Variants in CCNY observed in about 807,000 individuals in gnomAD.
CCNY encodes cyclin-Y.
A neutral mutation model predicts 42.8 loss-of-function variants in CCNY; 19 were observed. That is an observed-to-expected ratio of 0.44 (90% confidence interval 0.31 to 0.65). CCNY has a LOEUF of 0.65. Ranked by LOEUF, CCNY falls within the 30% of genes least tolerant of loss-of-function variation. The probability of loss-of-function intolerance (pLI) is 0.07; values close to 1 mark genes in which losing one functional copy is unlikely to be tolerated. For synonymous variants in CCNY, 165 were observed against 162.7 expected (o/e 1.01, Z -0.11); for missense variants, 370 against 437.3 (o/e 0.85, Z 1.37).
At chr10:35,441,460 CT>C (rs773300729) in intron 1 of CCNY, among the ~76,000 whole-genome samples, 2 of 152,160 alleles carry the variant, frequency 1.3e-5, no homozygotes, top group East Asian at 3.8e-4. Context: ...AGCAATTGGG[CT>C]TTTCAATGGA....
At chr10:35,523,915 T>C (rs1840598087) in intron 4 of CCNY, among the ~76,000 whole-genome samples, 1 of 152,200 alleles carries the variant, frequency 6.6e-6, no homozygotes, top group Admixed American at 6.5e-5. Context: ...TCTAGTGATA[T>C]TTCTACTGCT....
intron 3 of CCNY, among the ~76,000 whole-genome samples, chr10:35,509,356 A>G (rs1589167600): frequency 6.6e-6 from 1 of 151,988 alleles, no homozygotes; most frequent in African/African-American, 2.4e-5. Flanking sequence ...GCTCACTGCA[A>G]CCTCTGCCTT....
chr10:35,548,802 G>A (rs777919463), intron 7 of CCNY, among the ~76,000 whole-genome samples: 95 of 152,144 alleles, frequency 6.2e-4, no homozygotes, highest in Non-Finnish European at 8.5e-4. Flanking sequence ...AAAAATCTGC[G>A]TATTAGTGGA....
At chr10:35,517,264 C>T (rs866526906) in intron 4 of CCNY, among the ~76,000 whole-genome samples, 10 of 152,088 alleles carry the variant, frequency 6.6e-5, no homozygotes, top group African/African-American at 1.9e-4. Flanking sequence ...CTTCAGTTTC[C>T]GTACTTTAAA....
intron 1 of CCNY, among the ~76,000 whole-genome samples, chr10:35,372,526 T>C (rs2135177009): frequency 6.6e-6 from 1 of 152,286 alleles, no homozygotes; most frequent in East Asian, 1.9e-4. Context: ...TCAGACTCTC[T>C]ATTCCACTTG....
chr10:35,249,023 C>T (rs1482035218), intron 2 of CCNY, among the ~76,000 whole-genome samples: 1 of 152,198 alleles, frequency 6.6e-6, no homozygotes, highest in Non-Finnish European at 1.5e-5. Flanking sequence ...TCTAGGCTCA[C>T]TGCAACCTCC....
chr10:35,251,654 T>C (rs2095712141), intron 3 of CCNY, among the ~76,000 whole-genome samples: 1 of 150,662 alleles, frequency 6.6e-6, no homozygotes. Context: ...AGTGGTACAA[T>C]CACAGCTCAC....
intron 1 of CCNY, among the ~76,000 whole-genome samples, chr10:35,354,279 G>T (rs769374269): frequency 2.7e-5 from 4 of 149,898 alleles, no homozygotes; most frequent in Non-Finnish European, 5.9e-5. Context: ...TCTGTCTCCT[G>T]GGTTCAAGAG....
At chr10:35,307,654 A>G (rs1442431826) in intron 3 of CCNY, among the ~76,000 whole-genome samples, 1 of 151,400 alleles carries the variant, frequency 6.6e-6, no homozygotes, top group Non-Finnish European at 1.5e-5. Context: ...CAACCCCGAA[A>G]TAAGGTTATA....
intron 1 of CCNY, among the ~76,000 whole-genome samples, chr10:35,392,957 C>T (rs1041098142): frequency 2.0e-5 from 3 of 152,108 alleles, no homozygotes; most frequent in Non-Finnish European, 4.4e-5. Context: ...TTAGCTACAA[C>T]CTCCCACCCT....
chr10:35,544,397 C>T (rs1841069444), intron 7 of CCNY, among the ~76,000 whole-genome samples: 1 of 152,180 alleles, frequency 6.6e-6, no homozygotes, highest in African/African-American at 2.4e-5. Flanking sequence ...ATGTGCTATA[C>T]AGGTTTGCAG....
chr10:35,523,858 TAAG>T (rs1365190435), intron 4 of CCNY, among the ~76,000 whole-genome samples: 1 of 152,208 alleles, frequency 6.6e-6, no homozygotes, highest in Non-Finnish European at 1.5e-5. Context: ...TTAGCACTAA[TAAG>T]GAGGAAGGAG....
intron 1 of CCNY, among the ~76,000 whole-genome samples, chr10:35,471,366 AGTT>A (rs1839388756): frequency 1.3e-5 from 2 of 152,058 alleles, no homozygotes; most frequent in Admixed American, 6.6e-5. Flanking sequence ...ACTTTTTACT[AGTT>A]TTTCAGACCA....
Position 35,569,315 on chromosome 10 carries a change from C to T in CCNY, c.*145C>T. On this transcript the variant is annotated 3_prime_UTR_variant, in exon 10 of 10. Coordinates refer to ENST00000374704, the MANE Select transcript of CCNY (RefSeq NM_145012.6). The stretch of plus-strand genomic sequence containing the variant: ...CCGTCAAGCTGCCTGGATGAGCGCC[C>T]ATGCAGCAAGGCTTGGAGGAAGCGT... The T allele has an allele frequency of 1.6e-6, 1 of 630,870 alleles. No individual in the cohort carries two copies. 39.1% of individuals were successfully genotyped at this position (630,870 alleles called of 1,614,324 possible). A position where few individuals can be genotyped will look rare whatever the true frequency, so the allele number is the denominator to read the frequency against.
At chr10:35,549,452 A>G (rs951962994) in intron 7 of CCNY, among the ~76,000 whole-genome samples, 1 of 119,398 alleles carries the variant, frequency 8.4e-6, no homozygotes, top group Non-Finnish European at 1.8e-5. Context: ...TGCTCATGAC[A>G]CATGACCCTA....
chr10:35,440,592 T>G (rs191406051), intron 1 of CCNY, among the ~76,000 whole-genome samples: 3 of 152,214 alleles, frequency 2.0e-5, no homozygotes, highest in Non-Finnish European at 4.4e-5. Context: ...CTTCAAGTTT[T>G]CTTCACTGCA....
At chr10:35,560,007 G>A (rs1370180506) in intron 8 of CCNY, among the ~76,000 whole-genome samples, 3 of 145,818 alleles carry the variant, frequency 2.1e-5, no homozygotes, top group Non-Finnish European at 4.4e-5. Flanking sequence ...CTTTTGGAAG[G>A]AAAGGGGATG....
intron 3 of CCNY, among the ~76,000 whole-genome samples, chr10:35,317,344 A>C (rs1178115873): frequency 6.6e-6 from 1 of 152,176 alleles, no homozygotes; most frequent in African/African-American, 2.4e-5. Flanking sequence ...CCAGGAGTTG[A>C]GGGCACAGCA....
At chr10:35,323,795 G>C (rs1383115716) in intron 3 of CCNY, among the ~76,000 whole-genome samples, 1 of 152,172 alleles carries the variant, frequency 6.6e-6, no homozygotes. Context: ...AGGGAAGGCA[G>C]ATCACCTGAG....
Sources: allele counts gnomAD v4.1 joint callset (sites outside exome capture counted in the v4.1 genomes callset), GRCh38; gene constraint gnomAD v4.1.1; transcripts MANE v1.5; gene names NCBI Gene and HGNC (gene_info 2026-07-23, HGNC 2026-07-21).